The following PARP6 variants were observed in gnomAD, a reference collection of about 807,000 sequenced individuals.
PARP6 encodes the protein protein mono-ADP-ribosyltransferase PARP6.
In PARP6, 27 loss-of-function variants were observed where a neutral mutation model predicts 92.0. The observed-to-expected ratio is 0.29, with a 90% CI of 0.22 to 0.40. The LOEUF (loss-of-function observed/expected upper bound fraction) is 0.40. Ranked by LOEUF, PARP6 falls within the 10% of genes least tolerant of loss-of-function variation. The probability of loss-of-function intolerance (pLI) is 1.00; values close to 1 mark genes in which losing one functional copy is unlikely to be tolerated. For synonymous variants in PARP6, 272 were observed against 281.2 expected (o/e 0.97, Z 0.33); for missense variants, 501 against 784.5 (o/e 0.64, Z 4.32).
intron 14 of PARP6, among the ~76,000 whole-genome samples, chr15:72,255,538 A>C (rs1344079657): frequency 6.6e-6 from 1 of 152,042 alleles, no homozygotes; most frequent in Non-Finnish European, 1.5e-5. Context: ...GATTACAGGC[A>C]GAAGCCACTG....
chr15:72,247,559 A>T (rs2083775471), intron 20 of PARP6, among the ~76,000 whole-genome samples: 1 of 152,210 alleles, frequency 6.6e-6, no homozygotes. Context: ...ACTTTAGATA[A>T]AACTAAAATA....
intron 8 of PARP6, among the ~76,000 whole-genome samples, chr15:72,263,303 A>C (rs541283303): frequency 6.6e-6 from 1 of 152,168 alleles, no homozygotes; most frequent in Middle Eastern, 3.4e-3. Context: ...AAATCTTTCT[A>C]ATCTGTCTCT....
At chr15:72,244,741 T>C (rs1048486253) in intron 20 of PARP6, 1 of 152,232 alleles carries the variant, frequency 6.6e-6, no homozygotes, top group African/African-American at 2.4e-5. Flanking sequence ...CCATTATACA[T>C]ACTCACATAT....
intron 16 of PARP6, 198 bp from the exon 17 acceptor site, chr15:72,251,453 A>T: frequency 2.2e-6 from 1 of 458,950 alleles, no homozygotes; most frequent in African/African-American, 2.0e-5. Flanking sequence ...GTAAAAAGGA[A>T]GGTAGTGACC....
chr15:72,265,996 G>A lies in PARP6; in HGVS notation c.82-5C>T, dbSNP rs758178986. 3 of 1,600,434 alleles carry A rather than the reference G, an allele frequency of 1.9e-6. No homozygotes were observed. The highest frequency in any genetic ancestry group is 2.2e-5 in the South Asian group (2 of 90,820). On this transcript the variant is annotated splice_region_variant and splice_polypyrimidine_tract_variant and intron_variant, in intron 4 of 23. Coordinates refer to ENST00000569795, the MANE Select transcript of PARP6 (RefSeq NM_001323532.2). ...CAGGTCAGCTGCACAGCTCCCCTGA[G>A]ATAGCAGCAAAAATGGTGGTGGAGA...
At chr15:72,259,698 T>C (rs572357499) in intron 10 of PARP6, 37 bp from the exon 11 acceptor site, 152 of 1,598,540 alleles carry the variant, frequency 9.5e-5, no homozygotes, top group Non-Finnish European at 1.3e-4. Flanking sequence ...GTGAACCTCC[T>C]ATGAAGCTGG....
chr15:72,264,163 G>A (rs2086259123), intron 8 of PARP6, among the ~76,000 whole-genome samples: 1 of 152,134 alleles, frequency 6.6e-6, no homozygotes. Flanking sequence ...CACTGAGAGT[G>A]GAAAATATGC....
rs1388699768 is a variant in PARP6 at position 72,265,452 on chromosome 15, G to A, written c.198C>T (p.Asp66=). The part of the protein sequence containing the change: ...VSIREYGTID[D]VDIDLHINIS... ...TGTTGATGTGGAGGTCAATGTCCAC[G>A]TCATCGATAGTTCCATATTCTCTAT... The change falls in exon 6 of 24, where the codon GAC becomes GAT. Residue 66 remains aspartate, a synonymous_variant. Transcript: ENST00000569795. The A allele has an allele frequency of 6.8e-6, 11 of 1,613,082 alleles. No homozygotes were observed. In the Admixed American group the frequency reaches 1.0e-4, roughly 15 times the overall value.
intron 8 of PARP6, among the ~76,000 whole-genome samples, chr15:72,263,793 A>G (rs1263617554): frequency 6.6e-6 from 1 of 152,136 alleles, no homozygotes; most frequent in African/African-American, 2.4e-5. Flanking sequence ...AGGCTGAGGC[A>G]GGTGGATCAC....
chr15:72,258,337 T>C (rs1246216133), intron 11 of PARP6, among the ~76,000 whole-genome samples: 1 of 152,218 alleles, frequency 6.6e-6, no homozygotes, highest in Non-Finnish European at 1.5e-5. Context: ...ACATGATGTT[T>C]GATTGAGAAG....
chr15:72,267,525 C>A lies in PARP6; in HGVS notation c.-48G>T. On this transcript the variant is annotated 5_prime_UTR_variant, in exon 3 of 24. Transcript: ENST00000569795. ...TCTCAGGTCAGTGCTAGGCAGCACC[C>A]CTCCATACCACTAGCCGAACCAAGG... 6.2e-7 allele frequency: 1 copy of A among 1,612,322 alleles called. No individual in the cohort carries two copies. The highest frequency in any genetic ancestry group is 1.7e-5 in the Admixed American group (1 of 60,002).
chr15:72,257,499 G>C (rs2085295038), intron 12 of PARP6, 59 bp from the exon 13 acceptor site: 1 of 1,354,884 alleles, frequency 7.4e-7, no homozygotes, highest in East Asian at 2.3e-5. Flanking sequence ...GGTGTAGGCA[G>C]AGAGGGACAG....
chr15:72,259,540 G>C, intron 11 of PARP6, 68 bp downstream of exon 11: 1 of 1,217,318 alleles, frequency 8.2e-7, no homozygotes, highest in South Asian at 1.2e-5. Context: ...GGAGCTGGGA[G>C]GTGTTAGGAG....
Position 72,266,836 on chromosome 15 carries a change from A to G in PARP6, c.4-14T>C. ...GCCTTTGATGTCCTAGTGGTGAGAA[A>G]TAAGGATATCATGCTTTGTTAGGTC... is the stretch of plus-strand genomic sequence containing the variant. On this transcript the variant is annotated splice_polypyrimidine_tract_variant and intron_variant, in intron 3 of 23. Coordinates refer to ENST00000569795, the MANE Select transcript of PARP6 (RefSeq NM_001323532.2). 6.2e-7 allele frequency: 1 copy of G among 1,601,954 alleles called. No homozygotes were observed. Among genetic ancestry groups the G allele is most frequent in the Non-Finnish European group, 8.6e-7 (1 of 1,168,934 alleles).
rs1171181427 is a variant in PARP6, at chr15:72,265,922, A to G, written c.151T>C (p.Tyr51His). The G allele has an allele frequency of 1.2e-6, 2 of 1,613,658 alleles. No homozygotes were observed. Among genetic ancestry groups the G allele is most frequent in the African/African-American group, 2.7e-5 (2 of 74,946 alleles). The change falls in exon 5 of 24, where the codon TAC (tyrosine) becomes CAC (histidine). Residue 51 changes from tyrosine (Y) to histidine (H), a missense_variant. Tyr to His is a moderately conservative substitution (Grantham distance 83). This residue lies in a region of PARP6 where 291 missense variants were observed against 352.0 expected (regional missense o/e 0.83). Transcript: ENST00000569795. ...DADIEAVKEI[Y>H]SENSVSIREY... The stretch of plus-strand genomic sequence containing the variant: ...CTGATGGATACAGAGTTCTCACTGT[A>G]GATCTCCTTCACGGCTTCAATGTCT...
At chr15:72,262,222 T>A (rs1288972448) in intron 8 of PARP6, among the ~76,000 whole-genome samples, 2 of 152,234 alleles carry the variant, frequency 1.3e-5, no homozygotes, top group African/African-American at 4.8e-5. Context: ...ATCAGTTCTC[T>A]CTAGCATTAC....
chr15:72,253,017 T>TA (rs35499331), intron 16 of PARP6, among the ~76,000 whole-genome samples: 104 of 143,994 alleles, frequency 7.2e-4, no homozygotes, highest in African/African-American at 2.1e-3. Context: ...CCATCTCTAT[T>TA]AAAAAAAAAA....
At chr15:72,248,030 C>A (rs1483341811) in intron 20 of PARP6, among the ~76,000 whole-genome samples, 1 of 152,168 alleles carries the variant, frequency 6.6e-6, no homozygotes, top group Non-Finnish European at 1.5e-5. Flanking sequence ...ATCAGCCTCC[C>A]AAAGTACTGG....
chr15:72,247,810 T>C (rs2083809608), intron 20 of PARP6, among the ~76,000 whole-genome samples: 1 of 151,894 alleles, frequency 6.6e-6, no homozygotes, highest in African/African-American at 2.4e-5. Flanking sequence ...TTAGGCAGAG[T>C]CTTGCTTTGT....
Sources: allele counts gnomAD v4.1 joint callset (sites outside exome capture counted in the v4.1 genomes callset), GRCh38; gene constraint gnomAD v4.1.1; regional missense constraint gnomAD v4.1.1; transcripts MANE v1.5; gene names NCBI Gene and HGNC (gene_info 2026-07-23, HGNC 2026-07-21).